LVRN: variants seen among roughly 807,000 people sequenced by gnomAD.
LVRN encodes the protein laeverin, also known as aminopeptidase Q.
LVRN carries 99 observed loss-of-function variants against 111.4 expected under a neutral mutation model. That is an observed-to-expected ratio of 0.89 (90% CI 0.76 to 1.05). The LOEUF (loss-of-function observed/expected upper bound fraction) is 1.05, where lower values mean the gene tolerates loss of function less well. Ranked by LOEUF, LVRN falls within the 50% of genes least tolerant of loss-of-function variation. LVRN has a pLI of 0.00. For missense variants in LVRN, 1,414 were observed against 1,206.8 expected (o/e 1.17, Z -2.54); for synonymous variants, 488 against 449.5 (o/e 1.09, Z -1.08).
At position 115,962,478 on chromosome 5, in the gene LVRN, C is replaced by A; in HGVS notation, c.-140C>A. On this transcript the variant is annotated 5_prime_UTR_variant, in exon 1 of 20. Transcript: ENST00000357872. ...CAACCGCTGTCTGCTGAGCTCCAGTCCGTCCAGGCTCTTCCAGGAGGAAGA... is the reference window on the plus strand; with the variant it reads ...CAACCGCTGTCTGCTGAGCTCCAGTACGTCCAGGCTCTTCCAGGAGGAAGA... 1.3e-6 allele frequency: 1 copy of A among 781,542 alleles called. No homozygotes were observed. Among genetic ancestry groups the A allele is most frequent in the Non-Finnish European group, 2.1e-6 (1 of 474,224 alleles). The allele number at this position is 781,542 out of a possible 1,614,324, so 48.4% of individuals were successfully genotyped here. A position where few individuals can be genotyped will look rare whatever the true frequency, so the allele number is the denominator to read the frequency against.
At chr5:115,982,568 A>G (rs533478766) in intron 1 of LVRN, among the ~76,000 whole-genome samples, 5 of 152,196 alleles carry the variant, frequency 3.3e-5, no homozygotes, top group African/African-American at 1.2e-4. Context: ...CTGTGCTGTC[A>G]TCAGACTCAG....
chr5:115,990,112 A>T (rs1363708630), intron 4 of LVRN, among the ~76,000 whole-genome samples: 1 of 152,136 alleles, frequency 6.6e-6, no homozygotes, highest in Non-Finnish European at 1.5e-5. Flanking sequence ...GTGTTCATGT[A>T]CCCCTTATAT....
At chr5:115,972,466 G>A (rs146984527) in intron 1 of LVRN, among the ~76,000 whole-genome samples, 15 of 150,306 alleles carry the variant, frequency 1.0e-4, no homozygotes, top group African/African-American at 3.4e-4. Flanking sequence ...TCTTCATTTA[G>A]CATCTTTTTA....
intron 1 of LVRN, among the ~76,000 whole-genome samples, chr5:115,974,209 T>A (rs1432417874): frequency 6.6e-6 from 1 of 152,200 alleles, no homozygotes; most frequent in Non-Finnish European, 1.5e-5. Flanking sequence ...TAGAATGCAT[T>A]CCTAGAAGAG....
At chr5:116,024,091 C>T (rs570200791) in intron 19 of LVRN, among the ~76,000 whole-genome samples, 3 of 152,198 alleles carry the variant, frequency 2.0e-5, no homozygotes, top group Non-Finnish European at 4.4e-5. Context: ...TTTCCTGGGA[C>T]AGAGAGAGAT....
rs139973052 is a variant in LVRN, at chr5:116,010,680, C to T, written c.2094-61C>T. ...ATTGAAACATGGAACAAATATCGAACGTATGCAAATTACTTAGCAAGTGAA... is the reference window on the plus strand; with the variant it reads ...ATTGAAACATGGAACAAATATCGAATGTATGCAAATTACTTAGCAAGTGAA... On this transcript the variant is annotated intron_variant, in intron 13 of 19. Coordinates refer to ENST00000357872, the MANE Select transcript of LVRN (RefSeq NM_173800.5). 205 of 1,519,708 alleles carry T rather than the reference C, an allele frequency of 1.3e-4. No individual in the cohort carries two copies. In the East Asian group the frequency reaches 3.8e-3, roughly 28 times the overall value. 94.1% of individuals were successfully genotyped at this position (1,519,708 alleles called of 1,614,324 possible).
rs532104998 is a variant in LVRN at position 116,011,296 on chromosome 5, A to G, written c.2247+402A>G. Among the ~76,000 whole-genome samples the G allele has an allele frequency of 5.9e-5, 9 of 152,154 alleles. No homozygotes were observed. In the East Asian group the frequency reaches 1.2e-3, roughly 20 times the overall value. ...TAACAACTCTGTGTTTATAATTTCAATATTCTGACTCATAGGAACAGCACT... is the reference window on the plus strand; with the variant it reads ...TAACAACTCTGTGTTTATAATTTCAGTATTCTGACTCATAGGAACAGCACT... On this transcript the variant is annotated intron_variant, in intron 14 of 19. Transcript: ENST00000357872.
intron 19 of LVRN, 129 bp from the exon 20 acceptor site, chr5:116,025,849 A>G (rs1235163170): frequency 8.5e-6 from 10 of 1,181,818 alleles, no homozygotes; most frequent in African/African-American, 3.1e-5. Context: ...ACCTAGGAGT[A>G]TACATTTCTA....
chr5:115,992,713 T>C (rs1422627991), intron 5 of LVRN, among the ~76,000 whole-genome samples: 1 of 152,198 alleles, frequency 6.6e-6, no homozygotes, highest in Non-Finnish European at 1.5e-5. Flanking sequence ...TGGATACAGG[T>C]AATAGATTAG....
intron 4 of LVRN, among the ~76,000 whole-genome samples, chr5:115,991,749 A>G (rs1294202902): frequency 6.6e-6 from 1 of 152,142 alleles, no homozygotes; most frequent in East Asian, 1.9e-4. Context: ...AAAATTCTCT[A>G]ATGACAATTG....
At chr5:115,984,785 T>C in intron 3 of LVRN, 76 bp downstream of exon 3, 1 of 1,554,370 alleles carries the variant, frequency 6.4e-7, no homozygotes, top group Non-Finnish European at 8.7e-7. Flanking sequence ...CTGCATCCAG[T>C]GGTTATGGCT....
chr5:116,014,909 T>G (rs1472226365), intron 16 of LVRN, among the ~76,000 whole-genome samples: 2 of 152,168 alleles, frequency 1.3e-5, no homozygotes, highest in African/African-American at 2.4e-5. Context: ...GTTGCCTCAC[T>G]GAGCTCTGAA....
intron 1 of LVRN, among the ~76,000 whole-genome samples, chr5:115,977,997 TATTTTGGGGGGCCAA>T (rs909519724): frequency 6.6e-6 from 1 of 152,232 alleles, no homozygotes; most frequent in African/African-American, 2.4e-5. Context: ...AAAATTAGGA[TATTTTGGGGGGCCAA>T]ATAAAGGTGA....
At chr5:115,988,673 C>A (rs565132011) in intron 4 of LVRN, among the ~76,000 whole-genome samples, 172 of 152,264 alleles carry the variant, frequency 1.1e-3, no homozygotes, top group African/African-American at 3.6e-3. Context: ...TATTTGGGAG[C>A]TTGAGCCTTC....
chr5:115,994,146 T>C (rs1234031069), intron 6 of LVRN, among the ~76,000 whole-genome samples: 3 of 152,184 alleles, frequency 2.0e-5, no homozygotes, highest in African/African-American at 4.8e-5. Context: ...ATCCTGAGTA[T>C]TTCTACAAAT....
intron 3 of LVRN, 136 bp from the exon 4 acceptor site, chr5:115,987,677 T>C (rs1023665083): frequency 3.5e-5 from 36 of 1,028,400 alleles, no homozygotes; most frequent in Non-Finnish European, 4.0e-5. Context: ...CATGTAAGCA[T>C]GCAAGCATTT....
Position 115,962,945 on chromosome 5 carries a change from G to T in LVRN, c.328G>T (p.Glu110Ter), listed in dbSNP as rs139352149. 1.9e-6 allele frequency: 3 copies of T among 1,613,012 alleles called. No individual in the cohort carries two copies. The highest frequency in any genetic ancestry group is 1.3e-5 in the African/African-American group (1 of 74,914). ...PWLVPLHYDL[E>*]LWPQLRPDEL... ...GCTCGTGCCGCTGCACTACGATCTGGAGCTGTGGCCGCAGCTGAGGCCCGA... is the reference window on the plus strand; with the variant it reads ...GCTCGTGCCGCTGCACTACGATCTGTAGCTGTGGCCGCAGCTGAGGCCCGA... The change falls in exon 1 of 20, where the codon GAG becomes TAG. Residue 110 changes from glutamate (E) to a stop codon, truncating the protein, a stop_gained. Transcript: ENST00000357872. LOFTEE classifies it high-confidence loss of function.
intron 6 of LVRN, among the ~76,000 whole-genome samples, chr5:115,995,998 T>C (rs1487293297): frequency 6.6e-6 from 1 of 152,154 alleles, no homozygotes; most frequent in Non-Finnish European, 1.5e-5. Context: ...AGTATGTGTT[T>C]ATTGTCTTAG....
intron 13 of LVRN, among the ~76,000 whole-genome samples, chr5:116,008,412 A>C (rs2112619473): frequency 1.3e-5 from 2 of 152,286 alleles, no homozygotes; most frequent in East Asian, 3.9e-4. Flanking sequence ...TTAGGGGTTC[A>C]AGTGAAAGGG....
Sources: allele counts gnomAD v4.1 joint callset (sites outside exome capture counted in the v4.1 genomes callset), GRCh38; gene constraint gnomAD v4.1.1; transcripts MANE v1.5; gene names NCBI Gene and HGNC (gene_info 2026-07-23, HGNC 2026-07-21).